DNAI1: variants seen among roughly 807,000 people sequenced by gnomAD.
The protein encoded by DNAI1 is dynein axonemal intermediate chain 1.
A neutral mutation model predicts 92.0 loss-of-function variants in DNAI1; 67 were observed. The ratio of observed to expected loss-of-function variants is 0.73; its 90% confidence interval spans 0.60 to 0.89. The LOEUF (loss-of-function observed/expected upper bound fraction) is 0.89, where lower values mean the gene tolerates loss of function less well. Ranked by LOEUF, DNAI1 falls within the 40% of genes least tolerant of loss-of-function variation. The pLI is 0.00. For synonymous variants in DNAI1, 323 were observed against 319.6 expected, an observed-to-expected ratio of 1.01 and a Z score of -0.11; for missense variants, 839 against 866.6, an observed-to-expected ratio of 0.97 and a Z score of 0.40.
At chr9:34,506,522 C>G in intron 12 of DNAI1, 105 bp from the exon 13 acceptor site, 1 of 1,480,312 alleles carries the variant, frequency 6.8e-7, no homozygotes, top group Non-Finnish European at 9.3e-7. Flanking sequence ...CTGACAGATG[C>G]AGAGCAGGGC....
intron 2 of DNAI1, 45 bp downstream of exon 2, chr9:34,483,525 T>A: frequency 6.4e-7 from 1 of 1,556,882 alleles, no homozygotes. Flanking sequence ...ATGCTAATAG[T>A]GTTTTTTTTG....
chr9:34,488,608 G>C (rs1824520646), intron 4 of DNAI1: 1 of 153,914 alleles, frequency 6.5e-6, no homozygotes, highest in Admixed American at 6.4e-5. Context: ...TGGTTGCAAG[G>C]GTGCTGATCA....
At chr9:34,472,134 C>T (rs911593310) in intron 1 of DNAI1, among the ~76,000 whole-genome samples, 7 of 152,190 alleles carry the variant, frequency 4.6e-5, no homozygotes, top group Non-Finnish European at 7.3e-5. Context: ...AAAATAATGA[C>T]AGCCAAAATG....
At chr9:34,464,252 A>C (rs541729892) in intron 1 of DNAI1, among the ~76,000 whole-genome samples, 8 of 151,872 alleles carry the variant, frequency 5.3e-5, no homozygotes, top group Non-Finnish European at 8.8e-5. Context: ...TGTCAATCTG[A>C]TTGTGCCATC....
chr9:34,459,183 TG>T, intron 1 of DNAI1, 130 bp downstream of exon 1: 1 of 874,576 alleles, frequency 1.1e-6, no homozygotes, highest in Non-Finnish European at 1.9e-6. Context: ...CCGTGACCTC[TG>T]GTAAGTGCTC....
intron 16 of DNAI1, 95 bp downstream of exon 16, chr9:34,513,286 T>G (rs1825109497): frequency 3.0e-6 from 3 of 1,008,160 alleles, no homozygotes; most frequent in South Asian, 1.3e-5. Flanking sequence ...TGATGGATTT[T>G]AGTTCCCGTC....
Position 34,512,417 on chromosome 9 carries a change from C to T in DNAI1, c.1482C>T (p.His494=), listed in dbSNP as rs774384249. 3 of 1,614,048 alleles carry T rather than the reference C, an allele frequency of 1.9e-6. No homozygotes were observed. Among genetic ancestry groups the T allele is most frequent in the East Asian group, 2.2e-5 (1 of 44,874 alleles). Residue 494 remains histidine (H), a synonymous_variant, in exon 15 of 20, where the codon CAC becomes CAT. Transcript: ENST00000242317. ...TTEVPEGLQL[H]PVGCGTAFDF... ...AAGTTCCTGAGGGGTTGCAGCTGCACCCAGTGGGTAGGAGCCCCAGCCCTC... is the reference window on the plus strand; with the variant it reads ...AAGTTCCTGAGGGGTTGCAGCTGCATCCAGTGGGTAGGAGCCCCAGCCCTC...
chr9:34,481,911 A>AGGTTGCCAGCATT (rs1824367050), intron 1 of DNAI1, among the ~76,000 whole-genome samples: 1 of 152,248 alleles, frequency 6.6e-6, no homozygotes. Context: ...GGACCCGAGC[A>AGGTTGCCAGCATT]GGTTGCCAAT....
chr9:34,475,144 G>C (rs922536834), intron 1 of DNAI1, among the ~76,000 whole-genome samples: 1 of 152,218 alleles, frequency 6.6e-6, no homozygotes, highest in East Asian at 1.9e-4. Flanking sequence ...GTAGCTGGAG[G>C]AAGATTTGTT....
chr9:34,489,703 G>GC (rs1274873944), intron 5 of DNAI1, among the ~76,000 whole-genome samples: 1 of 152,092 alleles, frequency 6.6e-6, no homozygotes, highest in Non-Finnish European at 1.5e-5. Flanking sequence ...CAAAAAATTA[G>GC]CCGGGCGTGG....
chr9:34,483,377 G>T (rs1824411215), intron 1 of DNAI1, 71 bp from the exon 2 acceptor site: 3 of 1,501,664 alleles, frequency 2.0e-6, no homozygotes, highest in East Asian at 4.6e-5. Context: ...GAGCCTCCCT[G>T]AAATACTGTT....
chr9:34,491,378 C>A, intron 7 of DNAI1, 117 bp from the exon 8 acceptor site: 1 of 1,026,012 alleles, frequency 9.7e-7, no homozygotes, highest in South Asian at 1.3e-5. Flanking sequence ...TTCCCCAGCT[C>A]TGTGTCCCAA....
At chr9:34,503,317 C>T (rs187792169) in intron 12 of DNAI1, among the ~76,000 whole-genome samples, 8 of 152,234 alleles carry the variant, frequency 5.3e-5, no homozygotes, top group East Asian at 1.9e-4. Context: ...AGAAAGAGGG[C>T]GAAGCTGGGG....
At chr9:34,517,257 G>C (rs899071158) in intron 18 of DNAI1, 28 bp from the exon 19 acceptor site, 1 of 1,610,452 alleles carries the variant, frequency 6.2e-7, no homozygotes, top group Non-Finnish European at 8.5e-7. Context: ...CATTACCCCT[G>C]AGTGTGCTGA....
chr9:34,502,541 C>G (rs750699036), intron 12 of DNAI1, among the ~76,000 whole-genome samples: 1 of 152,104 alleles, frequency 6.6e-6, no homozygotes, highest in Admixed American at 6.5e-5. Flanking sequence ...CTATTCTCCC[C>G]GCACCCAGGT....
At chr9:34,513,012 G>T (rs1459112325) in intron 15 of DNAI1, 100 bp from the exon 16 acceptor site, 1 of 958,954 alleles carries the variant, frequency 1.0e-6, no homozygotes, top group Non-Finnish European at 1.7e-6. Flanking sequence ...TGAGTCCTGC[G>T]CTGAGAGTGC....
intron 1 of DNAI1, among the ~76,000 whole-genome samples, chr9:34,472,925 GAGTATATAAC>G (rs1564027800): frequency 6.6e-6 from 1 of 151,740 alleles, no homozygotes; most frequent in East Asian, 1.9e-4. Flanking sequence ...TTATGACGAT[GAGTATATAAC>G]AGTATTAGTC....
chr9:34,499,667 T>G (rs1824788354), intron 10 of DNAI1, among the ~76,000 whole-genome samples: 1 of 152,176 alleles, frequency 6.6e-6, no homozygotes, highest in Non-Finnish European at 1.5e-5. Flanking sequence ...AGAAAGAGTT[T>G]GATCTGGATC....
chr9:34,479,698 C>G (rs1321774916), intron 1 of DNAI1, among the ~76,000 whole-genome samples: 1 of 152,212 alleles, frequency 6.6e-6, no homozygotes, highest in Non-Finnish European at 1.5e-5. Flanking sequence ...ATCCCATTAC[C>G]TTATGGATCA....
Sources: allele counts gnomAD v4.1 joint callset (sites outside exome capture counted in the v4.1 genomes callset), GRCh38; gene constraint gnomAD v4.1.1; transcripts MANE v1.5; gene names NCBI Gene and HGNC (gene_info 2026-07-23, HGNC 2026-07-21).